Variants in PIBF1 observed in about 807,000 individuals in gnomAD.
The protein encoded by PIBF1 is progesterone immunomodulatory binding factor 1, also known as progesterone-induced-blocking factor 1.
A neutral mutation model predicts 112.5 loss-of-function variants in PIBF1; 90 were observed. The observed-to-expected ratio is 0.80, with a 90% CI of 0.67 to 0.95. The LOEUF (loss-of-function observed/expected upper bound fraction) is 0.95. Ranked by LOEUF, PIBF1 falls within the 40% of genes least tolerant of loss-of-function variation. The pLI, the probability that PIBF1 is intolerant of heterozygous loss-of-function variation, is 0.00. For missense variants in PIBF1, 915 were observed against 852.3 expected, an observed-to-expected ratio of 1.07 and a Z score of -0.92; for synonymous variants, 301 against 288.6, an observed-to-expected ratio of 1.04 and a Z score of -0.44.
chr13:72,876,552 T>G (rs1176642429), intron 10 of PIBF1, among the ~76,000 whole-genome samples: 1 of 152,180 alleles, frequency 6.6e-6, no homozygotes, highest in Non-Finnish European at 1.5e-5. Flanking sequence ...ATATTGCGTC[T>G]TCTTACCCAT....
chr13:72,967,758 A>G (rs1348166470), intron 15 of PIBF1, among the ~76,000 whole-genome samples: 1 of 152,200 alleles, frequency 6.6e-6, no homozygotes, highest in Non-Finnish European at 1.5e-5. Flanking sequence ...ATATTCTATA[A>G]TAAAATTTTT....
At chr13:72,882,357 C>G (rs2039677839) in intron 10 of PIBF1, among the ~76,000 whole-genome samples, 1 of 152,130 alleles carries the variant, frequency 6.6e-6, no homozygotes, top group African/African-American at 2.4e-5. Context: ...TGGAGAAACG[C>G]TCTAGGACAT....
At chr13:72,902,128 C>T (rs543635304) in intron 11 of PIBF1, among the ~76,000 whole-genome samples, 2 of 149,866 alleles carry the variant, frequency 1.3e-5, no homozygotes, top group South Asian at 4.3e-4. Context: ...AGGGAAGTAA[C>T]TCAGGAATGG....
intron 8 of PIBF1, among the ~76,000 whole-genome samples, chr13:72,834,780 A>T (rs7994069): frequency 6.6e-6 from 1 of 152,162 alleles, no homozygotes; most frequent in East Asian, 1.9e-4. Context: ...CTAAAAGATC[A>T]CGGTGTGGCT....
At chr13:72,798,162 A>G in intron 5 of PIBF1, 136 bp downstream of exon 5, 2 of 827,228 alleles carry the variant, frequency 2.4e-6, no homozygotes, top group Non-Finnish European at 3.6e-6. Flanking sequence ...CAGTTCAATA[A>G]TGGGAAGGAG....
intron 8 of PIBF1, among the ~76,000 whole-genome samples, chr13:72,833,311 T>G (rs2037206122): frequency 6.6e-6 from 1 of 152,206 alleles, no homozygotes; most frequent in Admixed American, 6.5e-5. Flanking sequence ...TGTTCTCTTG[T>G]TGGCGAGGAG....
At chr13:72,988,803 G>A (rs769362963) in intron 16 of PIBF1, among the ~76,000 whole-genome samples, 3 of 152,178 alleles carry the variant, frequency 2.0e-5, no homozygotes, top group Non-Finnish European at 4.4e-5. Context: ...TTGGGAGGCT[G>A]AGGCGGGCAG....
At chr13:72,874,916 C>T (rs1182328906) in intron 10 of PIBF1, among the ~76,000 whole-genome samples, 1 of 152,134 alleles carries the variant, frequency 6.6e-6, no homozygotes, top group East Asian at 1.9e-4. Context: ...GATGAATCTA[C>T]ACTGACAAAT....
At chr13:72,995,880 C>T (rs2043638304) in intron 16 of PIBF1, among the ~76,000 whole-genome samples, 2 of 149,794 alleles carry the variant, frequency 1.3e-5, no homozygotes, top group East Asian at 4.0e-4. Flanking sequence ...ACCTGGGAGG[C>T]GGAGATTGCA....
chr13:72,782,545 C>G (rs1036243259), intron 1 of PIBF1, among the ~76,000 whole-genome samples, 196 bp downstream of exon 1: 1 of 152,116 alleles, frequency 6.6e-6, no homozygotes, highest in Non-Finnish European at 1.5e-5. Flanking sequence ...GGAGGCCGAT[C>G]TTAGTATAGT....
At chr13:72,844,557 A>T (rs1298104252) in intron 9 of PIBF1, among the ~76,000 whole-genome samples, 1 of 151,828 alleles carries the variant, frequency 6.6e-6, no homozygotes, top group African/African-American at 2.4e-5. Context: ...CTCATTGTTC[A>T]ACTCCCACTT....
chr13:72,979,325 A>G (rs780874341), intron 16 of PIBF1, among the ~76,000 whole-genome samples: 1 of 152,176 alleles, frequency 6.6e-6, no homozygotes, highest in Non-Finnish European at 1.5e-5. Context: ...AGATTTACTG[A>G]TCACCTTTGG....
At chr13:72,873,215 C>T (rs2039238287) in intron 10 of PIBF1, among the ~76,000 whole-genome samples, 1 of 152,040 alleles carries the variant, frequency 6.6e-6, no homozygotes, top group Non-Finnish European at 1.5e-5. Flanking sequence ...CTTGCTAAAC[C>T]ATTTAGATAC....
intron 2 of PIBF1, among the ~76,000 whole-genome samples, chr13:72,785,689 T>TC (rs1353456853): frequency 6.6e-6 from 1 of 152,176 alleles, no homozygotes; most frequent in Non-Finnish European, 1.5e-5. Flanking sequence ...TCACATGAAC[T>TC]CCATCTACCT....
Position 72,792,557 on chromosome 13 carries a change from G to GTT in PIBF1, c.353+17_353+18dup. The GTT allele has an allele frequency of 6.5e-6, 8 of 1,236,056 alleles. No homozygotes were observed. Among genetic ancestry groups the GTT allele is most frequent in the Non-Finnish European group, 9.0e-6 (8 of 887,788 alleles). The allele number at this position is 1,236,056 out of a possible 1,614,324, so 76.6% of individuals were successfully genotyped here. ...AACAGAAAGATGCCAGGTAAGAAAAGTTTTTTTTAAAAAAAAAACAACATC... is the reference window on the plus strand; with the variant it reads ...AACAGAAAGATGCCAGGTAAGAAAAGTTTTTTTTTTAAAAAAAAAACAACATC... On this transcript the variant is annotated intron_variant, in intron 3 of 17. Transcript: ENST00000326291.
chr13:73,005,813 T>G (rs2044015341), intron 17 of PIBF1, among the ~76,000 whole-genome samples: 1 of 152,020 alleles, frequency 6.6e-6, no homozygotes, highest in African/African-American at 2.4e-5. Context: ...TGCTGGTAGA[T>G]TGAAGGGACT....
At chr13:72,954,872 G>T (rs1303354816) in intron 14 of PIBF1, among the ~76,000 whole-genome samples, 1 of 152,152 alleles carries the variant, frequency 6.6e-6, no homozygotes, top group East Asian at 1.9e-4. Context: ...AGTAGGAGAG[G>T]TATGCTAACA....
chr13:72,827,773 A>G lies in PIBF1; in HGVS notation c.956A>G (p.Asp319Gly). ...LEQTVTLLQK[D>G]KEYLNRQNME... ...CAAACTGTTACTTTACTGCAAAAGG[A>G]TAAAGAATATCTTAATCGCCAAAAC... The change falls in exon 8 of 18, where the codon GAT becomes GGT. Residue 319 changes from aspartate (D) to glycine (G), a missense_variant. Physicochemically the swap from Asp to Gly is moderately conservative, Grantham distance 94. Coordinates refer to ENST00000326291, the MANE Select transcript of PIBF1 (RefSeq NM_006346.4). 2 of 1,599,544 alleles carry G rather than the reference A, an allele frequency of 1.3e-6. No individual in the cohort carries two copies. Among genetic ancestry groups the G allele is most frequent in the African/African-American group, 2.7e-5 (2 of 74,816 alleles).
chr13:72,903,242 A>C (rs944321979), intron 11 of PIBF1, among the ~76,000 whole-genome samples: 22 of 152,290 alleles, frequency 1.4e-4, no homozygotes, highest in African/African-American at 5.3e-4. Flanking sequence ...TGGTATAATT[A>C]TGGGTGATTT....
Sources: gnomAD v4.1 joint callset for allele counts (sites outside exome capture counted in the v4.1 genomes callset) on GRCh38, gnomAD v4.1.1 for gene constraint, MANE v1.5 for transcripts, NCBI Gene and HGNC (gene_info 2026-07-23, HGNC 2026-07-21) for gene names.